PPP2R2B: variants seen among roughly 807,000 people sequenced by gnomAD.
The protein encoded by PPP2R2B is protein phosphatase 2 regulatory subunit Bbeta.
A neutral mutation model predicts 46.0 loss-of-function variants in PPP2R2B; 5 were observed. That is an observed-to-expected ratio of 0.11 (90% CI 0.06 to 0.23). PPP2R2B has a LOEUF of 0.23. Ranked by LOEUF, PPP2R2B falls within the 10% of genes least tolerant of loss-of-function variation. The probability of loss-of-function intolerance (pLI) is 1.00; values close to 1 mark genes in which losing one functional copy is unlikely to be tolerated. For missense variants in PPP2R2B, 367 were observed against 575.0 expected (o/e 0.64, Z 3.70); for synonymous variants, 215 against 206.7 (o/e 1.04, Z -0.34).
Position 146,762,776 on chromosome 5 carries a change from T to G in PPP2R2B, c.71-61634A>C, listed in dbSNP as rs111417333. On this transcript the variant is annotated intron_variant, in intron 2 of 9. Coordinates refer to ENST00000394411, the MANE Select transcript of PPP2R2B (RefSeq NM_181675.4). ...CAGGCACCTAGACAAGTAATTATAA[T>G]GCAGTGTAATTGTTGTGGTCAAGAG... Among the ~76,000 whole-genome samples the G allele has an allele frequency of 5.4e-3, 828 of 152,264 alleles. 10 individuals are homozygous for G. The highest frequency in any genetic ancestry group is 5.5e-3 in the Non-Finnish European group (371 of 68,032).
chr5:146,934,764 T>C (rs1054138136), intron 1 of PPP2R2B, among the ~76,000 whole-genome samples: 4 of 151,770 alleles, frequency 2.6e-5, no homozygotes, highest in Non-Finnish European at 5.9e-5. Flanking sequence ...CCAAACTCTT[T>C]TTTTTTTTGA....
At chr5:146,667,309 A>ACAG (rs915746489) in intron 5 of PPP2R2B, among the ~76,000 whole-genome samples, 1 of 146,850 alleles carries the variant, frequency 6.8e-6, no homozygotes, top group African/African-American at 2.5e-5. Context: ...CCAAGGAGAG[A>ACAG]CAGCAGGAAT....
At chr5:147,037,371 T>A (rs1486544493) in intron 1 of PPP2R2B, among the ~76,000 whole-genome samples, 1 of 152,006 alleles carries the variant, frequency 6.6e-6, no homozygotes, top group African/African-American at 2.4e-5. Flanking sequence ...GGATGGGAAC[T>A]TATCCTTGAA....
intron 5 of PPP2R2B, among the ~76,000 whole-genome samples, chr5:146,685,704 C>T (rs1025907255): frequency 6.6e-6 from 1 of 152,126 alleles, no homozygotes; most frequent in African/African-American, 2.4e-5. Flanking sequence ...ACATCAGGGT[C>T]ATTTTAAGTG....
At position 147,002,056 on chromosome 5, in the gene PPP2R2B, C is replaced by T. The variant is rs145452412; in HGVS notation, c.79+53609G>A. 5.0e-3 allele frequency among the ~76,000 whole-genome samples: 767 copies of T among 152,220 alleles called. 3 individuals carry two copies. Among genetic ancestry groups the T allele is most frequent in the African/African-American group, 0.018 (728 of 41,532 alleles). Reference sequence around the variant, plus strand: ...TATCCTGACCCTTGCCTCCTGGGTCCTAATGCCTGTCAAACTTCCTCTTGC... The same window carrying T: ...TATCCTGACCCTTGCCTCCTGGGTCTTAATGCCTGTCAAACTTCCTCTTGC... On this transcript the variant is annotated intron_variant, in intron 1 of 8. Coordinates refer to the PPP2R2B transcript ENST00000336640.
intron 2 of PPP2R2B, among the ~76,000 whole-genome samples, chr5:146,854,871 G>A (rs1156868843): frequency 6.6e-6 from 1 of 152,152 alleles, no homozygotes; most frequent in Non-Finnish European, 1.5e-5. Flanking sequence ...TTCACGACAA[G>A]CTCTTAAAAT....
At chr5:146,748,698 G>T (rs577358598) in intron 2 of PPP2R2B, among the ~76,000 whole-genome samples, 7 of 152,218 alleles carry the variant, frequency 4.6e-5, no homozygotes, top group African/African-American at 1.7e-4. Context: ...ATTGTTGATT[G>T]TATCAATAGC....
At chr5:146,994,829 G>A (rs1487258145) in intron 1 of PPP2R2B, among the ~76,000 whole-genome samples, 3 of 152,180 alleles carry the variant, frequency 2.0e-5, no homozygotes, top group Non-Finnish European at 4.4e-5. Context: ...GAGATGCAGT[G>A]GTAGTCAAGA....
At chr5:146,865,919 C>T (rs1761284802) in intron 2 of PPP2R2B, among the ~76,000 whole-genome samples, 1 of 152,218 alleles carries the variant, frequency 6.6e-6, no homozygotes, top group African/African-American at 2.4e-5. Context: ...GAGCTTCCCT[C>T]TAGCACTTAC....
In PPP2R2B at chr5:146,878,556, A is replaced by G. The variant is rs560429984; in HGVS notation, c.-125+35T>C. 1.5e-4 allele frequency: 186 copies of G among 1,254,658 alleles called. 4 individuals carry two copies. The highest frequency in any genetic ancestry group is 1.8e-4 in the Non-Finnish European group (180 of 979,784). The allele number at this position is 1,254,658 out of a possible 1,614,324, so 77.7% of individuals were successfully genotyped here. On this transcript the variant is annotated intron_variant, in intron 1 of 9. Coordinates refer to ENST00000394411, the MANE Select transcript of PPP2R2B (RefSeq NM_181675.4). This position sits in a 1 kb window ranked among gnomAD's most constrained non-coding sequence, Gnocchi z 4.5. ...TGGTGCCTTTCTGGACCCGAGCTGC[A>G]GTGGCGAGATGGCAGGGACAGGATT...
chr5:146,599,755 C>T (rs322465), intron 8 of PPP2R2B, among the ~76,000 whole-genome samples: 106,454 of 152,038 alleles, frequency 0.7, 37,386 homozygotes, highest in South Asian at 0.74. Flanking sequence ...CCCATCAACC[C>T]GTCATCTACA....
intron 5 of PPP2R2B, among the ~76,000 whole-genome samples, chr5:146,685,013 C>T (rs1362470013): frequency 6.6e-6 from 1 of 152,110 alleles, no homozygotes; most frequent in African/African-American, 2.4e-5. Flanking sequence ...TCCTCCATGC[C>T]CCCTAAGGAC....
At chr5:146,789,669 C>G (rs563099213) in intron 2 of PPP2R2B, among the ~76,000 whole-genome samples, 94 of 152,080 alleles carry the variant, frequency 6.2e-4, no homozygotes, top group Non-Finnish European at 1.1e-3. Flanking sequence ...AGAAATAGGA[C>G]TGTATCAGTG....
Position 146,903,391 on chromosome 5 carries a change from C to CTT in PPP2R2B, c.79+152272_79+152273dup, listed in dbSNP as rs58777308. Among the ~76,000 whole-genome samples, 217 of 120,790 alleles carry CTT rather than the reference C, an allele frequency of 1.8e-3. 1 individual carries two copies. In the East Asian group the frequency reaches 0.02, roughly 11 times the overall value. The allele number at this position is 120,790 out of a possible 152,430, so 79.2% of individuals were successfully genotyped here. A position where few individuals can be genotyped will look rare whatever the true frequency, so the allele number is the denominator to read the frequency against. ...TTCTTTTCTTTCTTGCTTTCTTTCT[C>CTT]TTTTTTTTTTTTTTTTTTTTTAGAG... On this transcript the variant is annotated intron_variant, in intron 1 of 8. Transcript: ENST00000336640.
chr5:147,020,887 A>G (rs1158615391), intron 1 of PPP2R2B, among the ~76,000 whole-genome samples: 1 of 152,188 alleles, frequency 6.6e-6, no homozygotes, highest in Non-Finnish European at 1.5e-5. Flanking sequence ...TTAGGAAAGT[A>G]TTTTAGTTCG....
Position 146,649,474 on chromosome 5 carries a change from T to G in PPP2R2B, c.625+1073A>C, listed in dbSNP as rs185709689. 7.2e-5 allele frequency among the ~76,000 whole-genome samples: 11 copies of G among 152,174 alleles called. No individual in the cohort carries two copies. The East Asian group carries it at 1.9e-3, about 27-fold the overall frequency. ...TTTATTATTTTTTTGAGATGGAGTC[T>G]GGCTCTGTCACCCAGACTGGAGTGC... is the stretch of plus-strand genomic sequence containing the variant. On this transcript the variant is annotated intron_variant, in intron 6 of 9. Coordinates refer to ENST00000394411, the MANE Select transcript of PPP2R2B (RefSeq NM_181675.4).
At chr5:147,074,471 G>A (rs1162814975) in intron 2 of PPP2R2B, among the ~76,000 whole-genome samples, 2 of 152,140 alleles carry the variant, frequency 1.3e-5, no homozygotes, top group Admixed American at 6.5e-5. Context: ...TATAATTATT[G>A]TAACTAAACA....
At chr5:146,977,239 T>G (rs2151852413) in intron 1 of PPP2R2B, among the ~76,000 whole-genome samples, 1 of 152,226 alleles carries the variant, frequency 6.6e-6, no homozygotes, top group South Asian at 2.1e-4. Context: ...CCTCTTTTTC[T>G]TTTTTAGAAT....
At chr5:146,980,641 A>G (rs1753125371) in intron 1 of PPP2R2B, among the ~76,000 whole-genome samples, 1 of 152,136 alleles carries the variant, frequency 6.6e-6, no homozygotes, top group South Asian at 2.1e-4. Context: ...AACATTAAAT[A>G]GATTAATCTC....
Sources: gnomAD v4.1 joint callset for allele counts (sites outside exome capture counted in the v4.1 genomes callset) on GRCh38, gnomAD v4.1.1 for gene constraint, Gnocchi (gnomAD v3.1) non-coding constraint, MANE v1.5 for transcripts, NCBI Gene and HGNC (gene_info 2026-07-23, HGNC 2026-07-21) for gene names.